TAOK1: variants seen among roughly 807,000 people sequenced by gnomAD.
The protein encoded by TAOK1 is TAO kinase 1.
Under a neutral mutation model 138.3 loss-of-function variants are expected in TAOK1, and 21 were observed. That is an observed-to-expected ratio of 0.15 (90% CI 0.11 to 0.22). TAOK1 has a LOEUF of 0.22. Among genes scored for constraint, TAOK1 ranks in the 10% least tolerant of loss-of-function variants. TAOK1 has a pLI of 1.00. For synonymous variants in TAOK1, 361 were observed against 398.4 expected, an observed-to-expected ratio of 0.91 and a Z score of 1.12; for missense variants, 651 against 1,227.7, an observed-to-expected ratio of 0.53 and a Z score of 7.02.
chr17:29,499,523 C>T (rs1201745512), intron 12 of TAOK1, among the ~76,000 whole-genome samples: 8 of 150,818 alleles, frequency 5.3e-5, no homozygotes, highest in South Asian at 4.2e-4. Flanking sequence ...TGAGCCACTG[C>T]GCCAAGACGT....
chr17:29,504,120 A>G (rs568072252), intron 13 of TAOK1, among the ~76,000 whole-genome samples: 3 of 149,826 alleles, frequency 2.0e-5, no homozygotes, highest in Admixed American at 6.7e-5. Flanking sequence ...CAAAAAAAAA[A>G]AAAAATTTCA....
At chr17:29,395,750 C>T (rs547660228) in intron 1 of TAOK1, among the ~76,000 whole-genome samples, 62 of 150,294 alleles carry the variant, frequency 4.1e-4, no homozygotes, top group Admixed American at 3.7e-3. Context: ...CTCAGCCTCC[C>T]GGGTTCAAGT....
chr17:29,467,941 T>C (rs1295425858), intron 3 of TAOK1, among the ~76,000 whole-genome samples: 1 of 151,036 alleles, frequency 6.6e-6, no homozygotes. Flanking sequence ...GTTCCCCTGC[T>C]TCAGCCTCCA....
At chr17:29,401,819 T>C (rs7214812) in intron 1 of TAOK1, among the ~76,000 whole-genome samples, 110 of 152,188 alleles carry the variant, frequency 7.2e-4, no homozygotes, top group African/African-American at 2.5e-3. Flanking sequence ...TTTTGTACTT[T>C]TTGTTCTTTT....
chr17:29,442,583 GA>G (rs1224687284), intron 1 of TAOK1, among the ~76,000 whole-genome samples: 5 of 152,056 alleles, frequency 3.3e-5, no homozygotes, highest in South Asian at 2.1e-4. Context: ...GAACAGTGTT[GA>G]ATAATAAAGG....
At chr17:29,434,677 A>G (rs887500066) in intron 1 of TAOK1, among the ~76,000 whole-genome samples, 5 of 152,242 alleles carry the variant, frequency 3.3e-5, no homozygotes, top group African/African-American at 1.2e-4. Flanking sequence ...CCTAGGCCTC[A>G]TTTATGCCAT....
intron 4 of TAOK1, among the ~76,000 whole-genome samples, chr17:29,477,214 GT>G (rs1253126754): frequency 6.6e-6 from 1 of 152,092 alleles, no homozygotes; most frequent in Non-Finnish European, 1.5e-5. Context: ...ACCCACAGAT[GT>G]GAAGGGCTGA....
intron 1 of TAOK1, among the ~76,000 whole-genome samples, chr17:29,436,722 T>C (rs1906042244): frequency 6.6e-6 from 1 of 152,200 alleles, no homozygotes; most frequent in Non-Finnish European, 1.5e-5. Flanking sequence ...ATTAGAACTT[T>C]AGAAATCCCA....
rs763177640 is a variant in TAOK1, at chr17:29,534,086, CTT to C, written c.2362-23_2362-22del. ...ATTGATAGCTAACATTAGGATATAT[CTT>C]TTTTTTTTCTCTCTCTCTCTCTGTC... is the stretch of plus-strand genomic sequence containing the variant. On this transcript the variant is annotated intron_variant, in intron 18 of 19. Transcript: ENST00000261716. 1.0e-4 allele frequency: 146 copies of C among 1,454,056 alleles called. No homozygotes were observed. The African/African-American group carries it at 1.5e-3, about 15-fold the overall frequency. The allele number at this position is 1,454,056 out of a possible 1,614,324, so 90.1% of individuals were successfully genotyped here.
chr17:29,502,536 A>G, intron 12 of TAOK1, 53 bp from the exon 13 acceptor site: 2 of 1,546,712 alleles, frequency 1.3e-6, no homozygotes, highest in Non-Finnish European at 1.7e-6. Flanking sequence ...TTCCATAAAG[A>G]TTCAAACAAA....
intron 1 of TAOK1, among the ~76,000 whole-genome samples, chr17:29,411,354 G>A (rs1598469356): frequency 6.6e-6 from 1 of 151,860 alleles, no homozygotes; most frequent in South Asian, 2.1e-4. Context: ...GCCTCCCAAA[G>A]TGCTGGGATT....
intron 19 of TAOK1, among the ~76,000 whole-genome samples, chr17:29,536,700 C>CTTT (rs547178969): frequency 1.6e-5 from 2 of 128,570 alleles, no homozygotes; most frequent in South Asian, 2.4e-4. Flanking sequence ...GTCATTCAAA[C>CTTT]TTTTTTTTTT....
At chr17:29,456,841 C>T (rs188016851) in intron 2 of TAOK1, among the ~76,000 whole-genome samples, 1 of 150,160 alleles carries the variant, frequency 6.7e-6, no homozygotes, top group Non-Finnish European at 1.5e-5. Context: ...TCACTCCATT[C>T]TCCTGCGTCA....
chr17:29,471,094 G>C (rs1286738544), intron 3 of TAOK1, among the ~76,000 whole-genome samples: 2 of 151,518 alleles, frequency 1.3e-5, no homozygotes, highest in Non-Finnish European at 1.5e-5. Flanking sequence ...GGAGGCGAAG[G>C]CTGCAGTGAG....
chr17:29,495,499 G>GA, intron 10 of TAOK1, 61 bp from the exon 11 acceptor site: 2 of 1,399,314 alleles, frequency 1.4e-6, no homozygotes, highest in Non-Finnish European at 1.9e-6. Flanking sequence ...TAGGGTCTGA[G>GA]AAGGAGTACC....
chr17:29,441,668 A>G (rs555411471), intron 1 of TAOK1, among the ~76,000 whole-genome samples: 81 of 152,220 alleles, frequency 5.3e-4, no homozygotes, highest in Non-Finnish European at 9.6e-4. Context: ...TTGGGAGGCT[A>G]AGGCAGGTGG....
chr17:29,407,833 T>C (rs778408978), intron 1 of TAOK1, among the ~76,000 whole-genome samples: 5 of 152,050 alleles, frequency 3.3e-5, no homozygotes, highest in Admixed American at 2.0e-4. Context: ...AAGTTTCTCC[T>C]TATTTACCTA....
At chr17:29,449,131 T>C (rs1282058311) in intron 1 of TAOK1, among the ~76,000 whole-genome samples, 2 of 152,176 alleles carry the variant, frequency 1.3e-5, no homozygotes, top group Non-Finnish European at 2.9e-5. Context: ...ACTTAATCAT[T>C]CAAAATTCTT....
At chr17:29,485,372 T>C (rs192197127) in intron 8 of TAOK1, among the ~76,000 whole-genome samples, 1 of 152,294 alleles carries the variant, frequency 6.6e-6, no homozygotes, top group East Asian at 1.9e-4. Context: ...TACAGTGGCT[T>C]ACATCTGTAA....
Sources: gnomAD v4.1 joint callset for allele counts (sites outside exome capture counted in the v4.1 genomes callset) on GRCh38, gnomAD v4.1.1 for gene constraint, MANE v1.5 for transcripts, NCBI Gene and HGNC (gene_info 2026-07-23, HGNC 2026-07-21) for gene names.